Variants in RRBP1 observed in about 807,000 individuals in gnomAD.
The protein encoded by RRBP1 is ribosome-binding protein 1.
A neutral mutation model predicts 165.2 loss-of-function variants in RRBP1; 94 were observed. The observed-to-expected ratio is 0.57, with a 90% CI of 0.48 to 0.68. The LOEUF is 0.68. Ranked by LOEUF, RRBP1 falls within the 30% of genes least tolerant of loss-of-function variation. RRBP1 has a pLI of 0.00. For synonymous variants in RRBP1, 680 were observed against 714.5 expected (o/e 0.95, Z 0.77); for missense variants, 1,676 against 1,763.0 (o/e 0.95, Z 0.88).
At chr20:17,661,188 G>C (rs906453012) in intron 2 of RRBP1, among the ~76,000 whole-genome samples, 1 of 152,170 alleles carries the variant, frequency 6.6e-6, no homozygotes, top group African/African-American at 2.4e-5. Flanking sequence ...CTCTTCCCCA[G>C]TGCCAATAAA....
chr20:17,649,566 A>C (rs1199282008), intron 3 of RRBP1, among the ~76,000 whole-genome samples: 1 of 108,966 alleles, frequency 9.2e-6, no homozygotes, highest in Non-Finnish European at 1.7e-5. Flanking sequence ...AAAGCAGGCT[A>C]CACATGGGGA....
At chr20:17,648,994 GT>G in intron 3 of RRBP1, among the ~76,000 whole-genome samples, 1 of 152,174 alleles carries the variant, frequency 6.6e-6, no homozygotes, top group Non-Finnish European at 1.5e-5. Context: ...GCCTCAACAC[GT>G]TTTCAAGTGG....
At chr20:17,680,439 G>A (rs566551895) in intron 1 of RRBP1, among the ~76,000 whole-genome samples, 1 of 152,316 alleles carries the variant, frequency 6.6e-6, no homozygotes, top group African/African-American at 2.4e-5. Context: ...TACCCTGAAG[G>A]TTCCAGCACG....
chr20:17,640,946 G>A (rs773103193), intron 5 of RRBP1, among the ~76,000 whole-genome samples: 5 of 152,206 alleles, frequency 3.3e-5, no homozygotes, highest in African/African-American at 9.6e-5. Flanking sequence ...CTCCCCCTGC[G>A]CCCGCTGCCC....
At chr20:17,648,520 C>T (rs968716067) in intron 3 of RRBP1, among the ~76,000 whole-genome samples, 4 of 152,246 alleles carry the variant, frequency 2.6e-5, no homozygotes, top group Admixed American at 6.5e-5. Context: ...ATGCCACGAA[C>T]GGTCACATCC....
chr20:17,662,524 A>C (rs922640406), intron 2 of RRBP1, among the ~76,000 whole-genome samples: 2 of 152,156 alleles, frequency 1.3e-5, no homozygotes, highest in Non-Finnish European at 2.9e-5. Context: ...GAGCTCATGG[A>C]GGCCTTTGAA....
chr20:17,668,989 A>T (rs1464796319), intron 2 of RRBP1, among the ~76,000 whole-genome samples: 1 of 152,132 alleles, frequency 6.6e-6, no homozygotes, highest in East Asian at 1.9e-4. Flanking sequence ...AGATCAGTTG[A>T]CCTAAAATTT....
At chr20:17,647,351 T>A (rs1362236217) in intron 3 of RRBP1, among the ~76,000 whole-genome samples, 1 of 152,184 alleles carries the variant, frequency 6.6e-6, no homozygotes, top group African/African-American at 2.4e-5. Context: ...CAAGCATAGC[T>A]GGGTAAGGAC....
chr20:17,623,604 G>A (rs370079366), intron 13 of RRBP1, among the ~76,000 whole-genome samples: 48 of 152,286 alleles, frequency 3.2e-4, no homozygotes, highest in African/African-American at 1.1e-3. Context: ...CCGAGTGCTC[G>A]CTGCAAACAA....
At chr20:17,615,804 G>T in intron 22 of RRBP1, 122 bp downstream of exon 22, 1 of 866,190 alleles carries the variant, frequency 1.2e-6, no homozygotes, top group Non-Finnish European at 1.8e-6. Flanking sequence ...TGCCCAGAAG[G>T]CCCAGGCCCA....
At chr20:17,678,567 C>T (rs1030634520) in intron 2 of RRBP1, among the ~76,000 whole-genome samples, 11 of 152,120 alleles carry the variant, frequency 7.2e-5, no homozygotes, top group Non-Finnish European at 1.3e-4. Context: ...AACATATTAC[C>T]ACATGATCAA....
chr20:17,674,354 T>C (rs2037034638), intron 2 of RRBP1, among the ~76,000 whole-genome samples: 2 of 152,076 alleles, frequency 1.3e-5, no homozygotes, highest in South Asian at 2.1e-4. Flanking sequence ...CACACAAAAT[T>C]CCTCTGAGAA....
In RRBP1 at chr20:17,620,557, C is replaced by T. The variant is rs1178962730; in HGVS notation, c.3507+158G>A. 16 of 795,430 alleles carry T rather than the reference C, an allele frequency of 2.0e-5. 1 individual carries two copies. Among genetic ancestry groups the T allele is most frequent in the South Asian group, 1.1e-4 (8 of 70,350 alleles). The allele number at this position is 795,430 out of a possible 1,614,324, so 49.3% of individuals were successfully genotyped here. A position where few individuals can be genotyped will look rare whatever the true frequency, so the allele number is the denominator to read the frequency against. ...TCCTAGGCGGGGGCCTCCTGGAGGA[C>T]GGACTGAGCTGTCATCCCGCAACTG... On this transcript the variant is annotated intron_variant, in intron 17 of 24. Coordinates refer to ENST00000377813, the MANE Select transcript of RRBP1 (RefSeq NM_001365613.2).
chr20:17,617,437 G>A (rs2035822824), intron 20 of RRBP1, among the ~76,000 whole-genome samples: 2 of 152,182 alleles, frequency 1.3e-5, no homozygotes, highest in Non-Finnish European at 2.9e-5. Context: ...AGGGAACATG[G>A]GCGGTCTCTG....
At chr20:17,626,699 A>T (rs2036027906) in intron 11 of RRBP1, among the ~76,000 whole-genome samples, 1 of 152,174 alleles carries the variant, frequency 6.6e-6, no homozygotes, top group South Asian at 2.1e-4. Context: ...ACAGGAGGCG[A>T]GCCCCAGAAG....
chr20:17,643,689 T>G lies in RRBP1; in HGVS notation c.1913-562A>C, dbSNP rs2036410816. Among the ~76,000 whole-genome samples, 1 of 152,148 alleles carries G rather than the reference T, an allele frequency of 6.6e-6. No homozygotes were observed. Among genetic ancestry groups the G allele is most frequent in the Non-Finnish European group, 1.5e-5 (1 of 68,024 alleles). On this transcript the variant is annotated intron_variant, in intron 3 of 24. Coordinates refer to ENST00000377813, the MANE Select transcript of RRBP1 (RefSeq NM_001365613.2). The surrounding 1 kb of genome is among the most constrained non-coding windows in gnomAD (Gnocchi z 4.3). ...TTCCACACATCAGTGCAAACCCTAT[T>G]TCTAGCTCCCTGGATGAAGCCCAGG...
rs373471632 is a variant in RRBP1 at position 17,624,566 on chromosome 20, G to A, written c.3147+10C>T. ...CCATGGTGGGGGTGTGAGTGTGGTC[G>A]GGCTCTGACCTTGGCCTGGGTCAGG... On this transcript the variant is annotated intron_variant, in intron 13 of 24. Coordinates refer to ENST00000377813, the MANE Select transcript of RRBP1 (RefSeq NM_001365613.2). 8.9e-6 allele frequency: 14 copies of A among 1,575,196 alleles called. No homozygotes were observed. The Admixed American group carries it at 1.3e-4, about 14-fold the overall frequency.
intron 24 of RRBP1, 69 bp from the exon 25 acceptor site, chr20:17,614,289 C>T: frequency 6.7e-7 from 1 of 1,493,652 alleles, no homozygotes; most frequent in Non-Finnish European, 9.3e-7. Context: ...CTGCCCTCTA[C>T]CCTGGGCCTT....
intron 3 of RRBP1, among the ~76,000 whole-genome samples, chr20:17,651,309 G>A (rs559747440): frequency 1.3e-5 from 2 of 152,268 alleles, no homozygotes; most frequent in African/African-American, 2.4e-5. Flanking sequence ...ATTGTGAAAC[G>A]TTTCTGGAAA....
Sources: gnomAD v4.1 joint callset for allele counts (sites outside exome capture counted in the v4.1 genomes callset) on GRCh38, gnomAD v4.1.1 for gene constraint, Gnocchi (gnomAD v3.1) non-coding constraint, MANE v1.5 for transcripts, NCBI Gene and HGNC (gene_info 2026-07-23, HGNC 2026-07-21) for gene names.